LOXHD1: variants seen among roughly 807,000 people sequenced by gnomAD.
LOXHD1 encodes the protein lipoxygenase homology domain-containing protein 1.
LOXHD1 carries 205 observed loss-of-function variants against 248.2 expected under a neutral mutation model. The observed-to-expected ratio is 0.83, with a 90% CI of 0.74 to 0.93. The LOEUF (loss-of-function observed/expected upper bound fraction) is 0.93. LOXHD1 is among the 40% of genes least tolerant of loss of function. The pLI, the probability that LOXHD1 is intolerant of heterozygous loss-of-function variation, is 0.00. For synonymous variants in LOXHD1, 1,113 were observed against 1,162.8 expected (o/e 0.96, Z 0.87); for missense variants, 2,930 against 2,971.6 (o/e 0.99, Z 0.33).
In LOXHD1 at chr18:46,520,637, C is replaced by T. The variant is rs140411881; in HGVS notation, c.5271+460G>A. 3.1e-4 allele frequency: 76 copies of T among 247,268 alleles called. No homozygotes were observed. In the East Asian group the frequency reaches 7.7e-3, roughly 25 times the overall value. 15.3% of individuals were successfully genotyped at this position (247,268 alleles called of 1,614,324 possible). ...ATTGTGTGGACACCATTGGCTGCAC[C>T]GTGAGACTCAGAGATTCACAGTATC... On this transcript the variant is annotated intron_variant, in intron 33 of 40. Transcript: ENST00000642948.
At chr18:46,642,843 C>T (rs1289827809) in intron 2 of LOXHD1, among the ~76,000 whole-genome samples, 1 of 152,142 alleles carries the variant, frequency 6.6e-6, no homozygotes, top group Non-Finnish European at 1.5e-5. Flanking sequence ...GAGCCCCGGC[C>T]TGCCAGCAGC....
intron 38 of LOXHD1, among the ~76,000 whole-genome samples, chr18:46,488,120 G>T (rs2033198623): frequency 6.6e-6 from 1 of 152,214 alleles, no homozygotes; most frequent in South Asian, 2.1e-4. Context: ...AGTGTTGCAG[G>T]TAAGGCTGAC....
intron 35 of LOXHD1, 175 bp downstream of exon 35, chr18:46,509,523 C>T (rs375283259): frequency 1.0e-4 from 68 of 667,066 alleles, no homozygotes; most frequent in South Asian, 2.0e-4. Context: ...ATAAATAAAA[C>T]GACATTCTCT....
chr18:46,489,782 C>G (rs2033334389), intron 37 of LOXHD1, among the ~76,000 whole-genome samples: 1 of 152,220 alleles, frequency 6.6e-6, no homozygotes, highest in African/African-American at 2.4e-5. Context: ...CTCTTGAAGG[C>G]AGGGAGTAGG....
chr18:46,565,413 G>A (rs185117061), intron 17 of LOXHD1, among the ~76,000 whole-genome samples: 75 of 152,310 alleles, frequency 4.9e-4, no homozygotes, highest in African/African-American at 1.7e-3. Flanking sequence ...CCTCTTGGCT[G>A]TTCATTCGCA....
chr18:46,585,792 T>C (rs1054313466), intron 12 of LOXHD1, among the ~76,000 whole-genome samples: 1 of 152,006 alleles, frequency 6.6e-6, no homozygotes, highest in Non-Finnish European at 1.5e-5. Context: ...TGTAGAAAAA[T>C]TGGAACTCTC....
In LOXHD1 at chr18:46,644,338, T is replaced by C. The variant is rs202132462; in HGVS notation, c.246-2302A>G. On this transcript the variant is annotated intron_variant, in intron 2 of 40. Transcript: ENST00000642948. ...GAAAGCAGCTGGCTTTCTGGGGTGC[T>C]TCTGATGAAAGTTCCAGAAAAGAAG... Among the ~76,000 whole-genome samples, 12 of 152,312 alleles carry C rather than the reference T, an allele frequency of 7.9e-5. No homozygotes were observed. In the East Asian group the frequency reaches 2.3e-3, roughly 29 times the overall value.
chr18:46,645,325 G>A (rs1316701409), intron 2 of LOXHD1, among the ~76,000 whole-genome samples: 2 of 152,172 alleles, frequency 1.3e-5, no homozygotes, highest in Non-Finnish European at 2.9e-5. Flanking sequence ...GGCTAAGGCA[G>A]TGCACAGCCC....
intron 12 of LOXHD1, among the ~76,000 whole-genome samples, chr18:46,582,350 C>A (rs2037979656): frequency 6.6e-6 from 1 of 151,592 alleles, no homozygotes; most frequent in African/African-American, 2.4e-5. Context: ...TTAATCTGAA[C>A]TAGATTATTT....
chr18:46,542,860 G>A lies in LOXHD1; in HGVS notation c.3620-5C>T, dbSNP rs766519140. The A allele has an allele frequency of 5.8e-6, 9 of 1,551,518 alleles. No homozygotes were observed. The South Asian group carries it at 1.1e-4, about 18-fold the overall frequency. On this transcript the variant is annotated splice_region_variant and splice_polypyrimidine_tract_variant and intron_variant, in intron 23 of 40. Coordinates refer to ENST00000642948, the MANE Select transcript of LOXHD1 (RefSeq NM_001384474.1). Reference sequence around the variant, plus strand: ...AGGACTTCAGGAGGGTCATTCCTGTGGATCAGATGACCCCAGCATGACTGG... The same window carrying A: ...AGGACTTCAGGAGGGTCATTCCTGTAGATCAGATGACCCCAGCATGACTGG...
At position 46,522,144 on chromosome 18, in the gene LOXHD1, A is replaced by T; in HGVS notation, c.5042T>A (p.Phe1681Tyr). The change falls in exon 32 of 41, where the codon TTC (phenylalanine) becomes TAC (tyrosine). Residue 1681 changes from phenylalanine to tyrosine, a missense_variant. By Grantham distance (22) the Phe-to-Tyr change is conservative (BLOSUM62 3). Coordinates refer to ENST00000642948, the MANE Select transcript of LOXHD1 (RefSeq NM_001384474.1). ...GCCCACATCCAAGCCTGCGACGTAG[A>T]ACTCCTCCACAGAGCCACGGCTGAA... ...RGFSRGSVEE[F>Y]YVAGLDVGII... is the part of the protein sequence containing the mutation. 1 of 1,551,450 alleles carries T rather than the reference A, an allele frequency of 6.4e-7. No individual in the cohort carries two copies. Among genetic ancestry groups the T allele is most frequent in the East Asian group, 2.4e-5 (1 of 40,914 alleles).
chr18:46,653,954 G>T (rs2039145590), intron 1 of LOXHD1, among the ~76,000 whole-genome samples: 1 of 152,162 alleles, frequency 6.6e-6, no homozygotes, highest in Non-Finnish European at 1.5e-5. Flanking sequence ...TTCATAAGTG[G>T]TTACTATCAT....
In LOXHD1 at chr18:46,524,703, C is replaced by A. The variant is rs750892512; in HGVS notation, c.4740+5G>T. 21 of 1,551,636 alleles carry A rather than the reference C, an allele frequency of 1.4e-5. No individual in the cohort carries two copies. Among genetic ancestry groups the A allele is most frequent in the Admixed American group, 2.0e-5 (1 of 50,992 alleles). ...GCCACAGGCCCTATATACCCCTTGGCTCACCTTCTCGTAAAAGAGCCTCTC... is the reference window on the plus strand; with the variant it reads ...GCCACAGGCCCTATATACCCCTTGGATCACCTTCTCGTAAAAGAGCCTCTC... On this transcript the variant is annotated splice_donor_5th_base_variant and intron_variant, in intron 30 of 40. Coordinates refer to ENST00000642948, the MANE Select transcript of LOXHD1 (RefSeq NM_001384474.1).
At chr18:46,534,862 G>A (rs550468420) in intron 26 of LOXHD1, among the ~76,000 whole-genome samples, 285 of 152,274 alleles carry the variant, frequency 1.9e-3, no homozygotes, top group African/African-American at 6.6e-3. Flanking sequence ...AGGCCCCTAA[G>A]AGTCCCCCAC....
intron 1 of LOXHD1, among the ~76,000 whole-genome samples, chr18:46,655,589 C>T (rs1017776796): frequency 1.3e-5 from 2 of 152,152 alleles, no homozygotes; most frequent in Admixed American, 6.5e-5. Flanking sequence ...TAGAAGGTGG[C>T]GGATGCTTCC....
At chr18:46,570,766 G>GT (rs112754884) in intron 15 of LOXHD1, among the ~76,000 whole-genome samples, 2,646 of 152,308 alleles carry the variant, frequency 0.017, 32 homozygotes, top group Middle Eastern at 0.061. Context: ...TTGCAAAAAA[G>GT]TTTTATGTTT....
At chr18:46,530,615 G>C (rs745629110) in intron 28 of LOXHD1, among the ~76,000 whole-genome samples, 9 of 152,092 alleles carry the variant, frequency 5.9e-5, no homozygotes, top group Non-Finnish European at 1.2e-4. Context: ...TGAATGAGAT[G>C]GCCTGTCTTA....
At chr18:46,586,011 A>G (rs566993304) in intron 12 of LOXHD1, among the ~76,000 whole-genome samples, 12 of 152,360 alleles carry the variant, frequency 7.9e-5, no homozygotes, top group African/African-American at 2.2e-4. Flanking sequence ...AACAACATAA[A>G]TGCTCTTTAA....
intron 37 of LOXHD1, among the ~76,000 whole-genome samples, chr18:46,502,208 C>T (rs539381945): frequency 6.6e-6 from 1 of 152,074 alleles, no homozygotes; most frequent in African/African-American, 2.4e-5. Flanking sequence ...CTTTTTGAAT[C>T]TTCTTCTCAA....
Sources: allele counts gnomAD v4.1 joint callset (sites outside exome capture counted in the v4.1 genomes callset), GRCh38; gene constraint gnomAD v4.1.1; transcripts MANE v1.5; gene names NCBI Gene and HGNC (gene_info 2026-07-23, HGNC 2026-07-21).